IGF2BP3: variants seen among roughly 807,000 people sequenced by gnomAD.
IGF2BP3 encodes insulin like growth factor 2 mRNA binding protein 3, also known as insulin-like growth factor 2 mRNA-binding protein 3.
A neutral mutation model predicts 73.8 loss-of-function variants in IGF2BP3; 9 were observed. The ratio of observed to expected loss-of-function variants is 0.12; its 90% CI spans 0.07 to 0.21. The LOEUF is 0.21. Ranked by LOEUF, IGF2BP3 falls within the 10% of genes least tolerant of loss-of-function variation. The probability of loss-of-function intolerance (pLI) is 1.00; values close to 1 mark genes in which losing one functional copy is unlikely to be tolerated. For synonymous variants in IGF2BP3, 258 were observed against 256.7 expected (o/e 1.01, Z -0.05); for missense variants, 542 against 714.0 (o/e 0.76, Z 2.75).
chr7:23,313,037 T>G (rs1783876146), intron 13 of IGF2BP3, among the ~76,000 whole-genome samples, 189 bp from the exon 14 acceptor site: 1 of 152,244 alleles, frequency 6.6e-6, no homozygotes, highest in Non-Finnish European at 1.5e-5. Flanking sequence ...GAAACTGATT[T>G]GTCCAGTTAT....
At chr7:23,366,988 C>CT (rs397942338) in intron 3 of IGF2BP3, among the ~76,000 whole-genome samples, 11,002 of 116,126 alleles carry the variant, frequency 0.095, 960 homozygotes, top group African/African-American at 0.23. Flanking sequence ...TCACATTTTG[C>CT]TTTTTTTTTT....
chr7:23,322,880 T>C (rs1261958404), intron 10 of IGF2BP3, among the ~76,000 whole-genome samples: 2 of 152,094 alleles, frequency 1.3e-5, no homozygotes, highest in Non-Finnish European at 2.9e-5. Context: ...CCGAGAGATT[T>C]TGTCACCACC....
chr7:23,372,111 T>C (rs1217204803), intron 3 of IGF2BP3, among the ~76,000 whole-genome samples: 1 of 152,054 alleles, frequency 6.6e-6, no homozygotes, highest in Admixed American at 6.5e-5. Context: ...TCTCACTCTG[T>C]CACCCAGGCT....
At chr7:23,439,213 G>A (rs951914854) in intron 2 of IGF2BP3, among the ~76,000 whole-genome samples, 12 of 151,890 alleles carry the variant, frequency 7.9e-5, no homozygotes, top group Non-Finnish European at 1.3e-4. Flanking sequence ...ATTGCACTCC[G>A]GGCTGGGGAC....
chr7:23,401,288 G>T (rs1290998769), intron 3 of IGF2BP3, among the ~76,000 whole-genome samples: 1 of 152,096 alleles, frequency 6.6e-6, no homozygotes, highest in African/African-American at 2.4e-5. Context: ...ACAGTTGCGG[G>T]CCCCCTGCTG....
intron 6 of IGF2BP3, among the ~76,000 whole-genome samples, chr7:23,350,211 A>T (rs1476855856): frequency 6.6e-6 from 1 of 152,238 alleles, no homozygotes; most frequent in Non-Finnish European, 1.5e-5. Flanking sequence ...GCCTGCTGGA[A>T]CAAACACATA....
At chr7:23,398,658 G>T (rs1161010530) in intron 3 of IGF2BP3, among the ~76,000 whole-genome samples, 2 of 152,198 alleles carry the variant, frequency 1.3e-5, no homozygotes, top group African/African-American at 4.8e-5. Context: ...TTTCTCTGAT[G>T]GCCAGTGATG....
chr7:23,382,918 A>AAAAAC (rs1785957353), intron 3 of IGF2BP3, among the ~76,000 whole-genome samples: 1 of 150,770 alleles, frequency 6.6e-6, no homozygotes, highest in Non-Finnish European at 1.5e-5. Context: ...AAAAAAAAAA[A>AAAAAC]ATCAATCAGC....
intron 3 of IGF2BP3, among the ~76,000 whole-genome samples, chr7:23,378,968 G>C (rs1197766250): frequency 6.6e-6 from 1 of 151,888 alleles, no homozygotes; most frequent in African/African-American, 2.4e-5. Flanking sequence ...ACCAAGCAGA[G>C]GAAAAAAAGA....
rs761093452 is a variant in IGF2BP3 at position 23,469,901 on chromosome 7, G to A, written c.175+35C>T. On this transcript the variant is annotated intron_variant, in intron 1 of 14. Coordinates refer to ENST00000258729, the MANE Select transcript of IGF2BP3 (RefSeq NM_006547.3). The surrounding 1 kb of genome is among the most constrained non-coding windows in gnomAD (Gnocchi z 6.1). ...GCCTGGGCGGGCGGTGCAGGGCTGGGGCGAGAGCCCGGGTGGGGCCAGGCC... is the reference window on the plus strand; with the variant it reads ...GCCTGGGCGGGCGGTGCAGGGCTGGAGCGAGAGCCCGGGTGGGGCCAGGCC... The A allele has an allele frequency of 4.4e-5, 68 of 1,556,414 alleles. No homozygotes were observed. The highest frequency in any genetic ancestry group is 5.6e-5 in the Non-Finnish European group (65 of 1,153,280).
intron 3 of IGF2BP3, chr7:23,415,191 C>A: frequency 4.3e-6 from 1 of 230,870 alleles, no homozygotes; most frequent in Non-Finnish European, 8.7e-6. Flanking sequence ...CAGTCGGCTT[C>A]ACTGCAACAC....
At chr7:23,440,397 C>A (rs1437382770) in intron 2 of IGF2BP3, among the ~76,000 whole-genome samples, 1 of 152,192 alleles carries the variant, frequency 6.6e-6, no homozygotes, top group Non-Finnish European at 1.5e-5. Context: ...GATCGTGCCA[C>A]TGCACTCCAG....
chr7:23,377,043 T>A (rs1016904029), intron 3 of IGF2BP3, among the ~76,000 whole-genome samples: 4 of 151,840 alleles, frequency 2.6e-5, no homozygotes, highest in African/African-American at 9.7e-5. Context: ...CAGTTACACA[T>A]AGAACAGAAA....
At position 23,311,328 on chromosome 7, in the gene IGF2BP3, C is replaced by G. The variant is rs964097988; in HGVS notation, c.*1034G>C. On this transcript the variant is annotated 3_prime_UTR_variant, in exon 15 of 15. Coordinates refer to ENST00000258729, the MANE Select transcript of IGF2BP3 (RefSeq NM_006547.3). ...TTTTGCCAGTCAGTTGAAAGTCTTG[C>G]ATCTCTTCACTGATGCACTTTCTTT... is the stretch of plus-strand genomic sequence containing the variant. 3 of 152,580 alleles carry G rather than the reference C, an allele frequency of 2.0e-5. No individual in the cohort carries two copies. The highest frequency in any genetic ancestry group is 6.5e-5 in the Admixed American group (1 of 15,270). The allele number at this position is 152,580 out of a possible 1,614,324, so 9.5% of individuals were successfully genotyped here.
intron 3 of IGF2BP3, among the ~76,000 whole-genome samples, chr7:23,373,460 A>G (rs977802301): frequency 2.7e-5 from 4 of 147,716 alleles, no homozygotes; most frequent in Non-Finnish European, 4.6e-5. Flanking sequence ...ACAAGGAGAT[A>G]CCACTTCACC....
At chr7:23,349,740 C>T (rs1002317305) in intron 6 of IGF2BP3, among the ~76,000 whole-genome samples, 2 of 152,156 alleles carry the variant, frequency 1.3e-5, no homozygotes, top group African/African-American at 4.8e-5. Flanking sequence ...GCTTCCCTTC[C>T]CCTATCCCCA....
chr7:23,338,385 A>G (rs912186919), intron 10 of IGF2BP3, among the ~76,000 whole-genome samples: 1 of 152,174 alleles, frequency 6.6e-6, no homozygotes, highest in Non-Finnish European at 1.5e-5. Context: ...GCTGGGCGTG[A>G]TGGTGTGTGC....
At chr7:23,460,571 G>T (rs868525071) in intron 2 of IGF2BP3, among the ~76,000 whole-genome samples, 38 of 151,468 alleles carry the variant, frequency 2.5e-4, no homozygotes, top group Non-Finnish European at 2.8e-4. Flanking sequence ...ATTTGTCACA[G>T]ACAAGCCTTG....
At chr7:23,378,569 G>GTTTTTTTT (rs1156868701) in intron 3 of IGF2BP3, among the ~76,000 whole-genome samples, 2 of 65,884 alleles carry the variant, frequency 3.0e-5, no homozygotes, top group Non-Finnish European at 5.1e-5. Context: ...ATTTTTGCTT[G>GTTTTTTTT]TTTTTTTTTT....
Sources: gnomAD v4.1 joint callset for allele counts (sites outside exome capture counted in the v4.1 genomes callset) on GRCh38, gnomAD v4.1.1 for gene constraint, Gnocchi (gnomAD v3.1) non-coding constraint, MANE v1.5 for transcripts, NCBI Gene and HGNC (gene_info 2026-07-23, HGNC 2026-07-21) for gene names.